Variants in SLC44A1 observed in about 807,000 individuals in gnomAD.
SLC44A1 encodes solute carrier family 44 member 1.
In SLC44A1, 26 loss-of-function variants were observed where a neutral mutation model predicts 79.3. That is an observed-to-expected ratio of 0.33 (90% CI 0.24 to 0.46). The LOEUF is 0.46. SLC44A1 is among the 20% of genes least tolerant of loss of function. The pLI is 1.00. For missense variants in SLC44A1, 688 were observed against 798.1 expected, an observed-to-expected ratio of 0.86 and a Z score of 1.66; for synonymous variants, 263 against 286.2, an observed-to-expected ratio of 0.92 and a Z score of 0.82.
intron 5 of SLC44A1, among the ~76,000 whole-genome samples, chr9:105,351,464 G>A (rs1344182609): frequency 1.3e-5 from 2 of 151,630 alleles, no homozygotes; most frequent in Non-Finnish European, 2.9e-5. Flanking sequence ...AACCTGGGAG[G>A]TGGAATTGTA....
At chr9:105,335,222 A>C (rs528229973) in intron 3 of SLC44A1, among the ~76,000 whole-genome samples, 1 of 152,146 alleles carries the variant, frequency 6.6e-6, no homozygotes, top group Non-Finnish European at 1.5e-5. Context: ...CAGTATTATG[A>C]TATTCCAATA....
intron 1 of SLC44A1, among the ~76,000 whole-genome samples, chr9:105,276,593 T>TGTGC: frequency 6.7e-6 from 1 of 149,142 alleles, no homozygotes; most frequent in Non-Finnish European, 1.5e-5. Flanking sequence ...TGTGTGTGTG[T>TGTGC]GTGTGTGTGT....
intron 5 of SLC44A1, among the ~76,000 whole-genome samples, chr9:105,350,105 T>G (rs1827358895): frequency 6.6e-6 from 1 of 152,230 alleles, no homozygotes. Flanking sequence ...TAATCTAAAA[T>G]GCAGTGCTGA....
At chr9:105,354,039 CTTTTTTTTT>C (rs556502972) in intron 5 of SLC44A1, among the ~76,000 whole-genome samples, 11 of 98,484 alleles carry the variant, frequency 1.1e-4, no homozygotes, top group African/African-American at 4.6e-4. Context: ...ACAGTTAATC[CTTTTTTTTT>C]TTTTTTTTTT....
intron 4 of SLC44A1, among the ~76,000 whole-genome samples, chr9:105,340,553 C>G (rs1827056722): frequency 6.6e-6 from 1 of 152,114 alleles, no homozygotes; most frequent in Admixed American, 6.5e-5. Context: ...TTTATTTTAT[C>G]ATAATTTTTA....
rs555397265 is a variant in SLC44A1 at position 105,244,725 on chromosome 9, CCAGCCGCCGCTG to C, written c.-133_-122del. The C allele has an allele frequency of 4.0e-5, 14 of 351,628 alleles. No individual in the cohort carries two copies. Among genetic ancestry groups the C allele is most frequent in the South Asian group, 3.7e-4 (3 of 8,074 alleles). The allele number at this position is 351,628 out of a possible 1,614,324, so 21.8% of individuals were successfully genotyped here. On this transcript the variant is annotated 5_prime_UTR_variant, in exon 1 of 16. Transcript: ENST00000374720. ...CTCTAGCCGCGCCGCCTCTTGAGTA[CCAGCCGCCGCTG>C]CAGCCGCCGCCGCCGCCTAGCCGTG... is the stretch of plus-strand genomic sequence containing the variant.
chr9:105,363,617 A>C (rs547064386), intron 9 of SLC44A1, among the ~76,000 whole-genome samples: 3 of 151,876 alleles, frequency 2.0e-5, no homozygotes, highest in South Asian at 4.2e-4. Flanking sequence ...GGTATGCACC[A>C]CCATGCCTGG....
rs147380859 is a variant in SLC44A1, at chr9:105,249,651, A to G, written c.36+4747A>G. ...GTGATTCTACTGCCTCAGCTTCTCA[A>G]GTAGCTGGGATTACAGGTGCTCGCC... On this transcript the variant is annotated intron_variant, in intron 1 of 15. Coordinates refer to ENST00000374720, the MANE Select transcript of SLC44A1 (RefSeq NM_080546.5). 1.0e-3 allele frequency among the ~76,000 whole-genome samples: 152 copies of G among 151,554 alleles called. No homozygotes were observed. The Middle Eastern group carries it at 0.017, about 17-fold the overall frequency.
intron 3 of SLC44A1, among the ~76,000 whole-genome samples, chr9:105,324,958 C>T (rs1826524585): frequency 6.6e-6 from 1 of 152,190 alleles, no homozygotes; most frequent in African/African-American, 2.4e-5. Flanking sequence ...ATCAAAATAT[C>T]AAACATAGAG....
intron 1 of SLC44A1, among the ~76,000 whole-genome samples, chr9:105,264,488 T>C (rs768555977): frequency 1.8e-4 from 28 of 152,326 alleles, no homozygotes; most frequent in Admixed American, 7.8e-4. Context: ...CTTCATCTTA[T>C]GACTAAGTGG....
chr9:105,277,915 C>G (rs1300540290), intron 1 of SLC44A1, among the ~76,000 whole-genome samples: 1 of 152,186 alleles, frequency 6.6e-6, no homozygotes, highest in Non-Finnish European at 1.5e-5. Flanking sequence ...GCTGTAAACC[C>G]TGGGGCTCAT....
chr9:105,245,692 GT>G (rs927656078), intron 1 of SLC44A1, among the ~76,000 whole-genome samples: 20 of 152,336 alleles, frequency 1.3e-4, no homozygotes, highest in African/African-American at 4.6e-4. Flanking sequence ...TCCGAATTTA[GT>G]TTTTCTGTGG....
intron 2 of SLC44A1, among the ~76,000 whole-genome samples, chr9:105,301,297 T>C (rs541999337): frequency 6.6e-6 from 1 of 152,376 alleles, no homozygotes; most frequent in East Asian, 1.9e-4. Context: ...ATTTGTTTAC[T>C]GAAACATTTT....
chr9:105,398,759 C>T (rs1472977437), downstream of SLC44A1, among the ~76,000 whole-genome samples: 1 of 152,148 alleles, frequency 6.6e-6, no homozygotes, highest in Non-Finnish European at 1.5e-5. Context: ...GAAGCCAGTA[C>T]CTCGAGAGGC....
intron 8 of SLC44A1, among the ~76,000 whole-genome samples, chr9:105,361,850 C>G (rs541453923): frequency 4.3e-4 from 65 of 152,252 alleles, no homozygotes; most frequent in African/African-American, 1.6e-3. Flanking sequence ...CCCACGAGTT[C>G]TAGACCAACC....
rs768209372 is a variant in SLC44A1 at position 105,348,433 on chromosome 9, A to C, written c.482A>C (p.Lys161Thr). 1 of 1,606,576 alleles carries C rather than the reference A, an allele frequency of 6.2e-7. No homozygotes were observed. Among genetic ancestry groups the C allele is most frequent in the Non-Finnish European group, 8.5e-7 (1 of 1,173,554 alleles). Residue 161 changes from lysine (K) to threonine (T), a missense_variant, in exon 5 of 16, where the codon AAA (lysine) becomes ACA (threonine). Physicochemically the swap from Lys to Thr is moderately conservative, Grantham distance 78. Coordinates refer to ENST00000374720, the MANE Select transcript of SLC44A1 (RefSeq NM_080546.5). ...TSPKSSVLCP[K>T]LPVPASAPIP... ...CCAAAATCTTCTGTTCTCTGCCCCAAACTACCAGTTCCAGCGAGGTAAATT... is the reference window on the plus strand; with the variant it reads ...CCAAAATCTTCTGTTCTCTGCCCCACACTACCAGTTCCAGCGAGGTAAATT...
At chr9:105,288,371 C>G (rs1830524225) in intron 1 of SLC44A1, among the ~76,000 whole-genome samples, 1 of 151,988 alleles carries the variant, frequency 6.6e-6, no homozygotes, top group East Asian at 1.9e-4. Context: ...TGTTTTGAGA[C>G]AGGGTCTCGC....
In SLC44A1 at chr9:105,369,673, G is replaced by A. The variant is rs189424762; in HGVS notation, c.1494+3244G>A. Among the ~76,000 whole-genome samples the A allele has an allele frequency of 2.6e-5, 4 of 152,142 alleles. No homozygotes were observed. The East Asian group carries it at 7.7e-4, about 29-fold the overall frequency. On this transcript the variant is annotated intron_variant, in intron 12 of 15. Coordinates refer to ENST00000374720, the MANE Select transcript of SLC44A1 (RefSeq NM_080546.5). Reference sequence around the variant, plus strand: ...ACTGCACATACCCTATATTCCCTTAGCATTATTGTGTAGCTTGCCCCTATT... The same window carrying A: ...ACTGCACATACCCTATATTCCCTTAACATTATTGTGTAGCTTGCCCCTATT...
At chr9:105,412,216 T>G (rs985857449) in intron 15 of SLC44A1, among the ~76,000 whole-genome samples, 1 of 152,258 alleles carries the variant, frequency 6.6e-6, no homozygotes, top group Non-Finnish European at 1.5e-5. Flanking sequence ...TACATATTTA[T>G]TTGTTGAATA....
Sources: allele counts gnomAD v4.1 joint callset (sites outside exome capture counted in the v4.1 genomes callset), GRCh38; gene constraint gnomAD v4.1.1; transcripts MANE v1.5; gene names NCBI Gene and HGNC (gene_info 2026-07-23, HGNC 2026-07-21).